The following CD109 variants were observed in gnomAD, a reference collection of about 807,000 sequenced individuals.
CD109 encodes the protein CD109 molecule.
In CD109, 149 loss-of-function variants were observed where a neutral mutation model predicts 165.8. That is an observed-to-expected ratio of 0.90 (90% CI 0.79 to 1.03). The LOEUF (loss-of-function observed/expected upper bound fraction) is 1.03, where lower values mean the gene tolerates loss of function less well. Among genes scored for constraint, CD109 ranks in the 50% least tolerant of loss-of-function variants. CD109 has a pLI of 0.00. For synonymous variants in CD109, 585 were observed against 592.1 expected (o/e 0.99, Z 0.18); for missense variants, 1,712 against 1,677.8 (o/e 1.02, Z -0.36).
At chr6:73,802,992 A>C (rs1385239373) in intron 23 of CD109, among the ~76,000 whole-genome samples, 1 of 151,826 alleles carries the variant, frequency 6.6e-6, no homozygotes, top group Non-Finnish European at 1.5e-5. Flanking sequence ...GAGCCACTGC[A>C]CCCGGCTGGG....
At chr6:73,792,871 A>G in intron 23 of CD109, 69 bp downstream of exon 23, 1 of 1,181,414 alleles carries the variant, frequency 8.5e-7, no homozygotes, top group Non-Finnish European at 1.2e-6. Flanking sequence ...GGTTCATTCT[A>G]GACCATATTT....
At chr6:73,768,905 T>C (rs928560808) in intron 14 of CD109, among the ~76,000 whole-genome samples, 2 of 152,278 alleles carry the variant, frequency 1.3e-5, no homozygotes, top group African/African-American at 4.8e-5. Context: ...TAAAAAATTA[T>C]TCCTTTAAAT....
chr6:73,756,667 C>T lies in CD109; in HGVS notation c.658C>T (p.Gln220Ter), dbSNP rs1773403773. The change falls in exon 6 of 33, where the codon CAG becomes TAG. Residue 220 changes from glutamine (Q) to a stop codon, truncating the protein, a stop_gained. Coordinates refer to ENST00000287097, the MANE Select transcript of CD109 (RefSeq NM_133493.5). LOFTEE classifies it high-confidence loss of function. ...VNDQTYYQSF[Q>*]VSEYVLPKFE... The stretch of plus-strand genomic sequence containing the variant: ...GGACCAGACATACTATCAATCATTT[C>T]AGGTTTCAGAATATGGTAAGAGTTC... The T allele has an allele frequency of 6.5e-7, 1 of 1,546,414 alleles. No individual in the cohort carries two copies. The highest frequency in any genetic ancestry group is 8.7e-7 in the Non-Finnish European group (1 of 1,145,576).
At chr6:73,717,674 C>G (rs1771791223) in intron 2 of CD109, among the ~76,000 whole-genome samples, 1 of 128,024 alleles carries the variant, frequency 7.8e-6, no homozygotes, top group Non-Finnish European at 1.5e-5. Flanking sequence ...GGCTGGAGTG[C>G]AGTGGCGCAA....
intron 23 of CD109, among the ~76,000 whole-genome samples, chr6:73,802,255 A>ATGTGTGTGTGTGTG (rs750794050): frequency 8.5e-6 from 1 of 118,268 alleles, no homozygotes; most frequent in African/African-American, 3.5e-5. Flanking sequence ...GAGCATGTGT[A>ATGTGTGTGTGTGTG]TATGTGTGTG....
At chr6:73,791,291 GA>G (rs1774957379) in intron 22 of CD109, among the ~76,000 whole-genome samples, 1 of 143,956 alleles carries the variant, frequency 6.9e-6, no homozygotes, top group Non-Finnish European at 1.5e-5. Context: ...TTGAACTTCT[GA>G]GCTCATGTAG....
chr6:73,764,589 C>T (rs1211557019), intron 10 of CD109, among the ~76,000 whole-genome samples: 8 of 151,682 alleles, frequency 5.3e-5, no homozygotes, highest in East Asian at 1.9e-4. Context: ...CCGAGGCAGG[C>T]GGATCACCTG....
At chr6:73,782,499 TG>T in intron 17 of CD109, 114 bp from the exon 18 acceptor site, 1 of 968,266 alleles carries the variant, frequency 1.0e-6, no homozygotes, top group Non-Finnish European at 1.5e-6. Context: ...ATACTCTCAC[TG>T]GCACATTATG....
At chr6:73,814,294 A>C (rs781112423) in intron 29 of CD109, among the ~76,000 whole-genome samples, 10 of 152,144 alleles carry the variant, frequency 6.6e-5, no homozygotes, top group Non-Finnish European at 1.2e-4. Flanking sequence ...TAAAACATTT[A>C]AATAGATTCC....
At chr6:73,709,183 T>C (rs1771427069) in intron 2 of CD109, among the ~76,000 whole-genome samples, 1 of 152,114 alleles carries the variant, frequency 6.6e-6, no homozygotes. Context: ...TTGTATAAGG[T>C]GTAAGGAAGG....
Position 73,816,052 on chromosome 6 carries a change from T to C in CD109, c.3911+929T>C, listed in dbSNP as rs191836960. 4.6e-5 allele frequency among the ~76,000 whole-genome samples: 7 copies of C among 152,318 alleles called. No individual in the cohort carries two copies. In the East Asian group the frequency reaches 1.4e-3, roughly 29 times the overall value. ...CTTCAAGGTCATCTCTGGGTGTTCA[T>C]CCAGGTGGCCAGCCTTCACAGCTAT... On this transcript the variant is annotated intron_variant, in intron 30 of 32. Coordinates refer to ENST00000287097, the MANE Select transcript of CD109 (RefSeq NM_133493.5).
At chr6:73,709,544 A>G (rs550241884) in intron 2 of CD109, among the ~76,000 whole-genome samples, 233 of 152,310 alleles carry the variant, frequency 1.5e-3, no homozygotes, top group Middle Eastern at 0.01. Context: ...GAAGAAAGTC[A>G]TTGGTAGCTT....
In CD109 at chr6:73,758,972, G is replaced by T; in HGVS notation, c.702G>T (p.Gln234His). 1 of 1,605,860 alleles carries T rather than the reference G, an allele frequency of 6.2e-7. No homozygotes were observed. Among genetic ancestry groups the T allele is most frequent in the East Asian group, 2.2e-5 (1 of 44,746 alleles). Residue 234 changes from glutamine (Q) to histidine (H), a missense_variant, in exon 7 of 33, where the codon CAG (glutamine) becomes CAT (histidine). Gln to His is a conservative substitution (Grantham distance 24). Coordinates refer to ENST00000287097, the MANE Select transcript of CD109 (RefSeq NM_133493.5). ...TACCAAAATTTGAAGTGACTTTGCA[G>T]ACACCATTATATTGTTCTATGAATT... ...YVLPKFEVTLQTPLYCSMNSK... is the reference protein window; with the variant it reads ...YVLPKFEVTLHTPLYCSMNSK...
intron 23 of CD109, among the ~76,000 whole-genome samples, chr6:73,799,212 A>G (rs1274739769): frequency 6.6e-6 from 1 of 152,228 alleles, no homozygotes; most frequent in Admixed American, 6.5e-5. Flanking sequence ...AAACTAAAAC[A>G]TGATAAAATG....
chr6:73,710,266 G>A (rs1259539258), intron 2 of CD109, among the ~76,000 whole-genome samples: 10 of 152,142 alleles, frequency 6.6e-5, no homozygotes, highest in Admixed American at 6.5e-4. Flanking sequence ...AAATCAATGT[G>A]CAAAAATCAC....
chr6:73,812,764 A>G (rs1175280877), intron 29 of CD109, among the ~76,000 whole-genome samples: 1 of 152,084 alleles, frequency 6.6e-6, no homozygotes, highest in Non-Finnish European at 1.5e-5. Context: ...GTGCAGCAGG[A>G]GCTACAATAA....
chr6:73,688,392 ACT>A, the CD109 span, among the ~76,000 whole-genome samples: 2 of 151,870 alleles, frequency 1.3e-5, no homozygotes, highest in South Asian at 4.2e-4. Context: ...AGTTCTTAAT[ACT>A]CTGTTAGATA....
the CD109 span, among the ~76,000 whole-genome samples, chr6:73,684,250 TG>T: frequency 6.6e-6 from 1 of 151,174 alleles, no homozygotes. Context: ...GACAGGGTCT[TG>T]CTCTGTCACC....
chr6:73,746,791 A>G (rs920105772), intron 5 of CD109, among the ~76,000 whole-genome samples: 3 of 152,154 alleles, frequency 2.0e-5, no homozygotes, highest in Non-Finnish European at 4.4e-5. Context: ...TCCTGTCACT[A>G]TGAGTGACTG....
Sources: gnomAD v4.1 joint callset for allele counts (sites outside exome capture counted in the v4.1 genomes callset) on GRCh38, gnomAD v4.1.1 for gene constraint, MANE v1.5 for transcripts, NCBI Gene and HGNC (gene_info 2026-07-23, HGNC 2026-07-21) for gene names.